The following PI4K2B variants were observed in gnomAD, a reference collection of about 807,000 sequenced individuals.
PI4K2B encodes the protein phosphatidylinositol 4-kinase type 2 beta.
Under a neutral mutation model 56.6 loss-of-function variants are expected in PI4K2B, and 46 were observed. The ratio of observed to expected loss-of-function variants is 0.81; its 90% CI spans 0.64 to 1.04. The LOEUF (loss-of-function observed/expected upper bound fraction) is 1.04, where lower values mean the gene tolerates loss of function less well. Ranked by LOEUF, PI4K2B falls within the 50% of genes least tolerant of loss-of-function variation. The probability of loss-of-function intolerance (pLI) is 0.00; values close to 1 mark genes in which losing one functional copy is unlikely to be tolerated. For synonymous variants in PI4K2B, 211 were observed against 223.8 expected (o/e 0.94, Z 0.51); for missense variants, 556 against 607.7 (o/e 0.91, Z 0.89).
At chr4:25,276,848 CAT>C (rs1346708642) in intron 9 of PI4K2B, 164 bp from the exon 10 acceptor site, 1 of 984,582 alleles carries the variant, frequency 1.0e-6, no homozygotes, top group Admixed American at 6.2e-5. Flanking sequence ...TGTGTGTAAA[CAT>C]ACATTCATAT....
At chr4:25,255,360 G>T in intron 3 of PI4K2B, 95 bp downstream of exon 3, 1 of 1,084,220 alleles carries the variant, frequency 9.2e-7, no homozygotes, top group Non-Finnish European at 1.4e-6. Context: ...AGAACCTAAA[G>T]TGGAGCCCCT....
intron 1 of PI4K2B, among the ~76,000 whole-genome samples, chr4:25,239,555 C>T (rs1277491463): frequency 1.7e-5 from 1 of 60,096 alleles, no homozygotes; most frequent in African/African-American, 3.2e-5. Flanking sequence ...CATGCCCACC[C>T]GGAACTCGCG....
intron 9 of PI4K2B, among the ~76,000 whole-genome samples, chr4:25,274,240 G>A (rs946833849): frequency 2.0e-5 from 3 of 152,128 alleles, no homozygotes; most frequent in Admixed American, 1.3e-4. Flanking sequence ...AAAGACCAGC[G>A]AACTAATCTA....
chr4:25,268,442 G>T lies in PI4K2B; in HGVS notation c.1079-1G>T, dbSNP rs1432390006. 6.3e-7 allele frequency: 1 copy of T among 1,599,514 alleles called. No individual in the cohort carries two copies. Among genetic ancestry groups the T allele is most frequent in the Admixed American group, 1.8e-5 (1 of 56,888 alleles). Reference sequence around the variant, plus strand: ...ATTAGGAGAATGCTTTTTTCTATTAGATCCATTTCACTGGGCTTGGCTTCC... The same window carrying T: ...ATTAGGAGAATGCTTTTTTCTATTATATCCATTTCACTGGGCTTGGCTTCC... On this transcript the variant is annotated splice_acceptor_variant, in intron 7 of 9. Coordinates refer to ENST00000264864, the MANE Select transcript of PI4K2B (RefSeq NM_018323.4). LOFTEE classifies it high-confidence loss of function.
chr4:25,272,069 G>T (rs1292770503), intron 9 of PI4K2B, among the ~76,000 whole-genome samples: 4 of 152,028 alleles, frequency 2.6e-5, no homozygotes, highest in African/African-American at 9.7e-5. Flanking sequence ...TTGAGCCCCA[G>T]AGGTGGGGGA....
rs900319330 is a variant in PI4K2B, at chr4:25,248,664, A to G, written c.269-3657A>G. ...GATTTTGTACATAAAGTTCAATAAT[A>G]TAAAAGCTGTATTCTGTTTTGAGTT... On this transcript the variant is annotated intron_variant, in intron 1 of 9. Coordinates refer to ENST00000264864, the MANE Select transcript of PI4K2B (RefSeq NM_018323.4). Among the ~76,000 whole-genome samples the G allele has an allele frequency of 3.9e-5, 6 of 151,964 alleles. No individual in the cohort carries two copies. The East Asian group carries it at 9.6e-4, about 24-fold the overall frequency.
chr4:25,254,866 T>A (rs1716197175), intron 2 of PI4K2B, among the ~76,000 whole-genome samples, 199 bp from the exon 3 acceptor site: 1 of 152,178 alleles, frequency 6.6e-6, no homozygotes. Context: ...TTTTAGATTG[T>A]TGAATAAGAA....
At chr4:25,255,341 C>T in intron 3 of PI4K2B, 76 bp downstream of exon 3, 1 of 1,291,236 alleles carries the variant, frequency 7.7e-7, no homozygotes, top group Non-Finnish European at 1.1e-6. Flanking sequence ...AGTAATTATT[C>T]CTAATGATAG....
intron 7 of PI4K2B, 85 bp downstream of exon 7, chr4:25,263,934 G>A (rs1464552899): frequency 4.8e-6 from 3 of 619,408 alleles, no homozygotes; most frequent in Non-Finnish European, 5.8e-6. Context: ...TACCATAGCG[G>A]AGGAAAAAGT....
chr4:25,234,047 G>A lies in PI4K2B; in HGVS notation c.-117G>A, dbSNP rs1715115195. 3 of 904,080 alleles carry A rather than the reference G, an allele frequency of 3.3e-6. No individual in the cohort carries two copies. The highest frequency in any genetic ancestry group is 4.4e-6 in the Non-Finnish European group (3 of 689,212). The allele number at this position is 904,080 out of a possible 1,614,324, so 56.0% of individuals were successfully genotyped here. A position where few individuals can be genotyped will look rare whatever the true frequency, so the allele number is the denominator to read the frequency against. On this transcript the variant is annotated 5_prime_UTR_variant, in exon 1 of 10. Coordinates refer to ENST00000264864, the MANE Select transcript of PI4K2B (RefSeq NM_018323.4). ...GGGCGGGCGCCAAGCGTGCCCGTGCGCTGGTGAGGTGGCGTCCGTTCTACC... is the reference window on the plus strand; with the variant it reads ...GGGCGGGCGCCAAGCGTGCCCGTGCACTGGTGAGGTGGCGTCCGTTCTACC...
chr4:25,264,611 C>G (rs1716598525), intron 7 of PI4K2B, among the ~76,000 whole-genome samples: 1 of 152,188 alleles, frequency 6.6e-6, no homozygotes, highest in East Asian at 1.9e-4. Flanking sequence ...GTGGCTCACA[C>G]CTGTAATCCC....
chr4:25,269,708 G>GT lies in PI4K2B; in HGVS notation c.1272+513dup, dbSNP rs558664815. ...CTCTATTATCTTATAAATTAGGTGG[G>GT]TTTTTTTTGTTTTTGTTTTTTTTGA... On this transcript the variant is annotated intron_variant, in intron 9 of 9. Transcript: ENST00000264864. 2.6e-3 allele frequency among the ~76,000 whole-genome samples: 396 copies of GT among 151,170 alleles called. 1 individual carries two copies. Among genetic ancestry groups the GT allele is most frequent in the African/African-American group, 8.5e-3 (350 of 41,290 alleles).
At chr4:25,266,333 A>G (rs2109022189) in intron 7 of PI4K2B, among the ~76,000 whole-genome samples, 1 of 152,274 alleles carries the variant, frequency 6.6e-6, no homozygotes, top group East Asian at 1.9e-4. Flanking sequence ...CACTCAGCTA[A>G]TCTACTTTTA....
chr4:25,250,097 C>T (rs1715987990), intron 1 of PI4K2B, among the ~76,000 whole-genome samples: 6 of 152,192 alleles, frequency 3.9e-5, no homozygotes, highest in Non-Finnish European at 8.8e-5. Context: ...CGCGCGCCTG[C>T]AATCCCAGGC....
intron 9 of PI4K2B, among the ~76,000 whole-genome samples, chr4:25,272,382 ATTTTG>A (rs756592690): frequency 8.5e-5 from 13 of 152,304 alleles, no homozygotes; most frequent in Non-Finnish European, 1.6e-4. Context: ...TTGTCACTTG[ATTTTG>A]TTTTGTTTTT....
chr4:25,266,920 A>G (rs1716681814), intron 7 of PI4K2B, among the ~76,000 whole-genome samples: 1 of 152,164 alleles, frequency 6.6e-6, no homozygotes, highest in African/African-American at 2.4e-5. Context: ...TGTTTTATGA[A>G]TGCTTAAATA....
chr4:25,253,678 C>T (rs1716147084), intron 2 of PI4K2B, among the ~76,000 whole-genome samples: 1 of 152,138 alleles, frequency 6.6e-6, no homozygotes, highest in African/African-American at 2.4e-5. Flanking sequence ...AATTCAGCTT[C>T]TAAATTGAAT....
intron 1 of PI4K2B, among the ~76,000 whole-genome samples, chr4:25,237,579 TG>T (rs1461060983): frequency 6.6e-6 from 1 of 152,224 alleles, no homozygotes; most frequent in African/African-American, 2.4e-5. Flanking sequence ...TTGGTCAGGC[TG>T]GTCTCGAACT....
chr4:25,271,002 G>T (rs946058597), intron 9 of PI4K2B, among the ~76,000 whole-genome samples: 7 of 152,180 alleles, frequency 4.6e-5, no homozygotes, highest in Non-Finnish European at 2.9e-5. Context: ...AGTCACTGGA[G>T]ATAAAGCAGT....
Sources: gnomAD v4.1 joint callset for allele counts (sites outside exome capture counted in the v4.1 genomes callset) on GRCh38, gnomAD v4.1.1 for gene constraint, MANE v1.5 for transcripts, NCBI Gene and HGNC (gene_info 2026-07-23, HGNC 2026-07-21) for gene names.